Variants in SLC24A2 observed in about 807,000 individuals in gnomAD.
SLC24A2 encodes sodium/potassium/calcium exchanger 2.
A neutral mutation model predicts 62.0 loss-of-function variants in SLC24A2; 36 were observed. That is an observed-to-expected ratio of 0.58 (90% CI 0.44 to 0.77). The LOEUF (loss-of-function observed/expected upper bound fraction) is 0.77, where lower values mean the gene tolerates loss of function less well. Among genes scored for constraint, SLC24A2 ranks in the 30% least tolerant of loss-of-function variants. The pLI, the probability that SLC24A2 is intolerant of heterozygous loss-of-function variation, is 0.00. For synonymous variants in SLC24A2, 358 were observed against 294.0 expected, an observed-to-expected ratio of 1.22 and a Z score of -2.23; for missense variants, 846 against 817.9, an observed-to-expected ratio of 1.03 and a Z score of -0.42.
At chr9:19,631,248 G>A (rs1818171157) in intron 2 of SLC24A2, among the ~76,000 whole-genome samples, 1 of 152,166 alleles carries the variant, frequency 6.6e-6, no homozygotes, top group Non-Finnish European at 1.5e-5. Context: ...CATCCATAAT[G>A]AGGCTGAAGG....
chr9:19,743,001 G>A (rs1821723737), intron 2 of SLC24A2, among the ~76,000 whole-genome samples: 1 of 151,988 alleles, frequency 6.6e-6, no homozygotes, highest in South Asian at 2.1e-4. Context: ...AAAAGTAGAG[G>A]ATCCTTATGT....
At chr9:19,881,104 G>T in the SLC24A2 span, among the ~76,000 whole-genome samples, 7 of 152,112 alleles carry the variant, frequency 4.6e-5, no homozygotes, top group Admixed American at 3.3e-4. Context: ...GCACAAAGTA[G>T]GCATATCAAC....
At chr9:20,174,257 T>C in the SLC24A2 span, among the ~76,000 whole-genome samples, 859 of 152,024 alleles carry the variant, frequency 5.7e-3, 13 homozygotes, top group African/African-American at 0.02. Context: ...CAGAAGATAA[T>C]GTCGGAAAAA....
At chr9:19,747,417 G>T (rs1156753454) in intron 2 of SLC24A2, among the ~76,000 whole-genome samples, 1 of 152,124 alleles carries the variant, frequency 6.6e-6, no homozygotes, top group Non-Finnish European at 1.5e-5. Context: ...CATTATGCAA[G>T]TCCTTATACA....
the SLC24A2 span, among the ~76,000 whole-genome samples, chr9:19,888,441 C>T: frequency 0.4 from 60,360 of 151,850 alleles, 12,575 homozygotes; most frequent in East Asian, 0.82. Flanking sequence ...ATTTTTTTCT[C>T]CTCTTTTATT....
At chr9:20,202,606 A>G in the SLC24A2 span, among the ~76,000 whole-genome samples, 1 of 152,130 alleles carries the variant, frequency 6.6e-6, no homozygotes, top group Non-Finnish European at 1.5e-5. Context: ...AGACACTGTA[A>G]AAGTTGGCTT....
chr9:20,169,181 T>A, the SLC24A2 span, among the ~76,000 whole-genome samples: 1 of 151,976 alleles, frequency 6.6e-6, no homozygotes, highest in African/African-American at 2.4e-5. Flanking sequence ...GAATTAGAGA[T>A]AATCAGGGGC....
At chr9:20,073,459 A>G in the SLC24A2 span, among the ~76,000 whole-genome samples, 1 of 152,152 alleles carries the variant, frequency 6.6e-6, no homozygotes, top group African/African-American at 2.4e-5. Flanking sequence ...ACCTAATCAC[A>G]GATATCCCAT....
chr9:20,110,245 T>C, the SLC24A2 span, among the ~76,000 whole-genome samples: 3 of 148,652 alleles, frequency 2.0e-5, no homozygotes, highest in African/African-American at 7.3e-5. Context: ...ATAGAATTTT[T>C]AGTTGCTATA....
In SLC24A2 at chr9:19,641,669, C is replaced by T. The variant is rs570518943; in HGVS notation, c.931-19370G>A. ...AGCTGGGACCACAGGTGCGTGCCAC[C>T]GTGCCCGGCTAATTTTTGTAGTTTT... On this transcript the variant is annotated intron_variant, in intron 2 of 10. Transcript: ENST00000341998. Among the ~76,000 whole-genome samples, 105 of 152,164 alleles carry T rather than the reference C, an allele frequency of 6.9e-4. 1 individual carries two copies. Among genetic ancestry groups the T allele is most frequent in the South Asian group, 2.1e-3 (10 of 4,800 alleles).
intron 8 of SLC24A2, among the ~76,000 whole-genome samples, chr9:19,536,352 T>TC (rs1409600349): frequency 2.2e-4 from 20 of 92,908 alleles, no homozygotes; most frequent in Non-Finnish European, 3.4e-4. Context: ...CCCTCCCCCC[T>TC]CCCCCGACCC....
At chr9:19,536,315 G>A (rs192196350) in intron 8 of SLC24A2, among the ~76,000 whole-genome samples, 1,906 of 148,418 alleles carry the variant, frequency 0.013, 41 homozygotes, top group African/African-American at 0.046. Flanking sequence ...CGTGTCATCT[G>A]TCATTAGGTA....
At chr9:19,902,264 G>A in the SLC24A2 span, among the ~76,000 whole-genome samples, 1 of 152,082 alleles carries the variant, frequency 6.6e-6, no homozygotes, top group Non-Finnish European at 1.5e-5. Context: ...TGGCCAAGAT[G>A]GTATGATGGT....
intron 2 of SLC24A2, among the ~76,000 whole-genome samples, chr9:19,671,283 C>T (rs12682824): frequency 0.023 from 3,530 of 151,484 alleles, 81 homozygotes; most frequent in East Asian, 0.09. Context: ...AGGTATATTC[C>T]TCAGTATTTT....
chr9:20,283,137 T>C, the SLC24A2 span, among the ~76,000 whole-genome samples: 1 of 152,224 alleles, frequency 6.6e-6, no homozygotes, highest in South Asian at 2.1e-4. Flanking sequence ...TAGAAAAATA[T>C]TTCCCAATCG....
At chr9:20,233,189 G>T in the SLC24A2 span, among the ~76,000 whole-genome samples, 4 of 152,186 alleles carry the variant, frequency 2.6e-5, no homozygotes, top group African/African-American at 9.7e-5. Flanking sequence ...GTGCTGAAAA[G>T]AATGTATATT....
intron 2 of SLC24A2, among the ~76,000 whole-genome samples, chr9:19,676,100 C>G (rs891728406): frequency 6.6e-6 from 1 of 152,220 alleles, no homozygotes; most frequent in African/African-American, 2.4e-5. Context: ...ATTTTCTCAG[C>G]TCCAAGTAAG....
At chr9:20,228,534 TC>T in the SLC24A2 span, among the ~76,000 whole-genome samples, 2 of 152,094 alleles carry the variant, frequency 1.3e-5, no homozygotes, top group Non-Finnish European at 2.9e-5. Flanking sequence ...TGAAGGTGAC[TC>T]CAAGTGGAAG....
Position 19,561,960 on chromosome 9 carries a change from T to C in SLC24A2, c.1347+11391A>G, listed in dbSNP as rs916484466. Among the ~76,000 whole-genome samples the C allele has an allele frequency of 2.6e-5, 4 of 152,160 alleles. No homozygotes were observed. The South Asian group carries it at 8.3e-4, about 32-fold the overall frequency. ...GAAATCAAGGTTTCAAAATATTTTG[T>C]TGTGAGTGATGAAGCTGTCTGGACC... On this transcript the variant is annotated intron_variant, in intron 7 of 10. Transcript: ENST00000341998.
Sources: gnomAD v4.1 joint callset for allele counts (sites outside exome capture counted in the v4.1 genomes callset) on GRCh38, gnomAD v4.1.1 for gene constraint, MANE v1.5 for transcripts, NCBI Gene and HGNC (gene_info 2026-07-23, HGNC 2026-07-21) for gene names.